The following MPP7 variants were observed in gnomAD, a reference collection of about 807,000 sequenced individuals.
MPP7 encodes MAGUK p55 scaffold protein 7, also known as MAGUK p55 subfamily member 7.
Under a neutral mutation model 76.5 loss-of-function variants are expected in MPP7, and 60 were observed. The ratio of observed to expected loss-of-function variants is 0.78; its 90% CI spans 0.64 to 0.97. The LOEUF (loss-of-function observed/expected upper bound fraction) is 0.97. Ranked by LOEUF, MPP7 falls within the 50% of genes least tolerant of loss-of-function variation. MPP7 has a pLI of 0.00. For missense variants in MPP7, 641 were observed against 694.0 expected, an observed-to-expected ratio of 0.92 and a Z score of 0.86; for synonymous variants, 237 against 244.5, an observed-to-expected ratio of 0.97 and a Z score of 0.29.
chr10:28,163,885 T>TG (rs1836350349), intron 3 of MPP7, among the ~76,000 whole-genome samples: 1 of 136,192 alleles, frequency 7.3e-6, no homozygotes, highest in Non-Finnish European at 1.5e-5. Flanking sequence ...CACTCCAGCC[T>TG]GGGTGATAAA....
chr10:28,142,164 A>C (rs1835542026), intron 5 of MPP7, among the ~76,000 whole-genome samples: 1 of 152,196 alleles, frequency 6.6e-6, no homozygotes, highest in Non-Finnish European at 1.5e-5. Context: ...ATAAAGAAAA[A>C]GAATGCCAAA....
chr10:28,296,542 C>T (rs1163596578), intron 1 of MPP7, among the ~76,000 whole-genome samples: 1 of 152,174 alleles, frequency 6.6e-6, no homozygotes, highest in Non-Finnish European at 1.5e-5. Context: ...ACTAACATTG[C>T]CAGTTCTATA....
intron 3 of MPP7, among the ~76,000 whole-genome samples, chr10:28,175,448 TA>T (rs59377206): frequency 0.8 from 121,473 of 151,934 alleles, 48,928 homozygotes; most frequent in Middle Eastern, 0.85. Context: ...GGAATTTTTT[TA>T]AAATGCCATG....
At chr10:28,331,815 T>C (rs1029787227) in intron 1 of MPP7, among the ~76,000 whole-genome samples, 3 of 152,140 alleles carry the variant, frequency 2.0e-5, no homozygotes, top group Admixed American at 6.6e-5. Context: ...CCTCAAGTGT[T>C]TCAGCCACCT....
chr10:28,300,973 T>G (rs1394431454), intron 1 of MPP7, among the ~76,000 whole-genome samples: 1 of 151,572 alleles, frequency 6.6e-6, no homozygotes, highest in Non-Finnish European at 1.5e-5. Flanking sequence ...AAGAGTTCCA[T>G]TCAGTAATCC....
chr10:28,210,479 T>C (rs773907078), intron 2 of MPP7, among the ~76,000 whole-genome samples: 1 of 152,142 alleles, frequency 6.6e-6, no homozygotes, highest in Non-Finnish European at 1.5e-5. Flanking sequence ...AACTTTCTCA[T>C]AAATGTATGA....
At chr10:28,304,860 A>G (rs1841241482), upstream of MPP7, among the ~76,000 whole-genome samples, 1 of 152,144 alleles carries the variant, frequency 6.6e-6, no homozygotes, top group African/African-American at 2.4e-5. Context: ...ATCAATATTA[A>G]TCATCAAATA....
intron 16 of MPP7, 69 bp downstream of exon 16, chr10:28,056,411 G>A (rs928296543): frequency 2.6e-5 from 39 of 1,491,572 alleles, no homozygotes; most frequent in Middle Eastern, 1.7e-4. Flanking sequence ...CTCCTGCTTC[G>A]GCCTCCCAAA....
Position 28,052,018 on chromosome 10 carries a change from T to G in MPP7, c.*2047A>C, listed in dbSNP as rs1851380347. ...ACCTTTCTTTTTTAAAATGTTATAT[T>G]TTTATAACATCTTATTATTACCACC... is the stretch of plus-strand genomic sequence containing the variant. On this transcript the variant is annotated 3_prime_UTR_variant, in exon 17 of 17. Transcript: ENST00000683449. The G allele has an allele frequency of 6.7e-6, 1 of 149,084 alleles. No individual in the cohort carries two copies. Among genetic ancestry groups the G allele is most frequent in the Non-Finnish European group, 1.5e-5 (1 of 67,596 alleles). The allele number at this position is 149,084 out of a possible 1,614,324, so 9.2% of individuals were successfully genotyped here.
chr10:28,118,587 G>C (rs1834730181), intron 11 of MPP7: 1 of 985,376 alleles, frequency 1.0e-6, no homozygotes. Context: ...CTTAAGAACA[G>C]TGCAATATTC....
At chr10:28,213,094 T>C (rs1838196175) in intron 2 of MPP7, among the ~76,000 whole-genome samples, 1 of 151,996 alleles carries the variant, frequency 6.6e-6, no homozygotes, top group Non-Finnish European at 1.5e-5. Context: ...CATGCTCCCC[T>C]AGATGTGACT....
chr10:28,148,609 A>G (rs1458352808), intron 4 of MPP7, among the ~76,000 whole-genome samples: 54 of 152,148 alleles, frequency 3.5e-4, no homozygotes, highest in Admixed American at 3.5e-3. Context: ...CCTTTCAAAC[A>G]CTGCTTTACT....
At chr10:28,323,005 G>A (rs1471478673) in intron 2 of MPP7, among the ~76,000 whole-genome samples, 2 of 152,044 alleles carry the variant, frequency 1.3e-5, no homozygotes, top group Non-Finnish European at 2.9e-5. Flanking sequence ...GAAAAATAGG[G>A]GCCGGGCACG....
intron 1 of MPP7, among the ~76,000 whole-genome samples, chr10:28,330,421 C>T (rs1834460531): frequency 6.6e-6 from 1 of 152,150 alleles, no homozygotes; most frequent in Non-Finnish European, 1.5e-5. Context: ...TGTGCTCTGA[C>T]CTGCCCAACT....
At chr10:28,070,921 A>G (rs752080035) in intron 12 of MPP7, among the ~76,000 whole-genome samples, 4 of 152,190 alleles carry the variant, frequency 2.6e-5, no homozygotes, top group Non-Finnish European at 5.9e-5. Flanking sequence ...AAAGCTTCTC[A>G]CAATGCTGCC....
intron 6 of MPP7, among the ~76,000 whole-genome samples, chr10:28,131,243 G>A (rs540473435): frequency 5.3e-5 from 8 of 152,182 alleles, no homozygotes; most frequent in Non-Finnish European, 8.8e-5. Context: ...TTAAAGTTGC[G>A]TTCCCATAGA....
In MPP7 at chr10:28,249,067, T is replaced by C. The variant is rs541308310; in HGVS notation, c.-131-10332A>G. On this transcript the variant is annotated intron_variant, in intron 1 of 16. Coordinates refer to ENST00000683449, the MANE Select transcript of MPP7 (RefSeq NM_001318170.2). The stretch of plus-strand genomic sequence containing the variant: ...AATAATATGTGGCTCCAAACATTAA[T>C]TGAATAATGAATGAAAAAATGAATG... Among the ~76,000 whole-genome samples the C allele has an allele frequency of 2.0e-4, 31 of 152,200 alleles. No individual in the cohort carries two copies. In the South Asian group the frequency reaches 5.8e-3, roughly 29 times the overall value.
At chr10:28,193,846 A>G (rs1837492117) in intron 3 of MPP7, among the ~76,000 whole-genome samples, 2 of 150,294 alleles carry the variant, frequency 1.3e-5, no homozygotes, top group African/African-American at 4.9e-5. Flanking sequence ...CAATAATGAG[A>G]TACTACTATA....
intron 2 of MPP7, among the ~76,000 whole-genome samples, chr10:28,229,917 T>G (rs1375259655): frequency 7.0e-6 from 1 of 143,432 alleles, no homozygotes; most frequent in East Asian, 2.0e-4. Context: ...CAAAAAGAAC[T>G]GTGACAATGA....
Sources: allele counts gnomAD v4.1 joint callset (sites outside exome capture counted in the v4.1 genomes callset), GRCh38; gene constraint gnomAD v4.1.1; transcripts MANE v1.5; gene names NCBI Gene and HGNC (gene_info 2026-07-23, HGNC 2026-07-21).